UBE3A: variants seen among roughly 807,000 people sequenced by gnomAD.
UBE3A encodes ubiquitin-protein ligase E3A.
UBE3A carries 6 observed loss-of-function variants against 83.4 expected under a neutral mutation model. That is an observed-to-expected ratio of 0.07 (90% CI 0.04 to 0.14). The LOEUF (loss-of-function observed/expected upper bound fraction) is 0.14, where lower values mean the gene tolerates loss of function less well. Ranked by LOEUF, UBE3A falls within the 10% of genes least tolerant of loss-of-function variation. UBE3A has a pLI of 1.00. For missense variants in UBE3A, 456 were observed against 1,036.1 expected, an observed-to-expected ratio of 0.44 and a Z score of 7.69; for synonymous variants, 337 against 355.4, an observed-to-expected ratio of 0.95 and a Z score of 0.58.
intron 1 of UBE3A, chr15:25,419,454 C>G (rs187645488): frequency 6.6e-6 from 1 of 152,098 alleles, no homozygotes; most frequent in Non-Finnish European, 1.5e-5. Context: ...AAAGACATTT[C>G]CATACAAACA....
chr15:25,417,695 A>C (rs1887587418), intron 1 of UBE3A, among the ~76,000 whole-genome samples: 1 of 152,060 alleles, frequency 6.6e-6, no homozygotes, highest in Admixed American at 6.6e-5. Flanking sequence ...TAGAAGACAA[A>C]GCAAACTGAA....
intron 6 of UBE3A, among the ~76,000 whole-genome samples, chr15:25,364,036 T>TAAATAAATAAATA (rs1430435079): frequency 7.3e-6 from 1 of 137,600 alleles, no homozygotes; most frequent in Non-Finnish European, 1.5e-5. Flanking sequence ...TACAAAAAAC[T>TAAATAAATAAATA]AATAAATAAA....
chr15:25,380,052 G>A (rs969818843), intron 4 of UBE3A, among the ~76,000 whole-genome samples: 2 of 151,990 alleles, frequency 1.3e-5, no homozygotes, highest in African/African-American at 4.8e-5. Context: ...TCTGAATCAT[G>A]GGGGCAGTTT....
At position 25,357,009 on chromosome 15, in the gene UBE3A, T is replaced by C. The variant is rs574520453; in HGVS notation, c.1754-113A>G. 1.7e-5 allele frequency: 15 copies of C among 863,260 alleles called. No homozygotes were observed. The South Asian group carries it at 2.2e-4, about 13-fold the overall frequency. The allele number at this position is 863,260 out of a possible 1,614,324, so 53.5% of individuals were successfully genotyped here. On this transcript the variant is annotated intron_variant, in intron 7 of 12. Coordinates refer to ENST00000648336, the MANE Select transcript of UBE3A (RefSeq NM_130839.5). ...GCATATAAAACATTTAAAATATATG[T>C]AATTAGGCATGCAACATTGATTTCT...
intron 4 of UBE3A, among the ~76,000 whole-genome samples, chr15:25,403,522 A>G (rs1388391698): frequency 1.3e-5 from 2 of 152,160 alleles, no homozygotes; most frequent in Non-Finnish European, 2.9e-5. Context: ...AGAAACGCAA[A>G]TAGGTACAGT....
intron 1 of UBE3A, among the ~76,000 whole-genome samples, chr15:25,431,258 G>C (rs1297889842): frequency 6.6e-6 from 1 of 152,310 alleles, no homozygotes; most frequent in Non-Finnish European, 1.5e-5. Flanking sequence ...TTACAAAAGG[G>C]AATGAGAATG....
At chr15:25,396,069 G>C (rs542428721) in intron 4 of UBE3A, among the ~76,000 whole-genome samples, 3 of 152,012 alleles carry the variant, frequency 2.0e-5, no homozygotes, top group African/African-American at 7.2e-5. Context: ...AGGCATGGTG[G>C]CACATGCCTG....
intron 4 of UBE3A, among the ~76,000 whole-genome samples, chr15:25,385,042 C>A (rs959885528): frequency 5.3e-5 from 8 of 152,166 alleles, no homozygotes; most frequent in African/African-American, 1.9e-4. Context: ...TGACATTGGA[C>A]TTGGCAATGA....
At chr15:25,390,281 T>C (rs75722102) in intron 4 of UBE3A, among the ~76,000 whole-genome samples, 1,545 of 152,276 alleles carry the variant, frequency 0.01, 26 homozygotes, top group African/African-American at 0.035. Context: ...GATCCAGCAA[T>C]TGCACTCCCT....
rs587782926 is a variant in UBE3A at position 25,339,119 on chromosome 15, ATTTTG to A, written c.*13_*17del. The stretch of plus-strand genomic sequence containing the variant: ...TTTTTTCCTTCCTTTTTTTTGTTTT[ATTTTG>A]TTTTGTTTTGTTTTACAGCATGCCA... On this transcript the variant is annotated 3_prime_UTR_variant, in exon 13 of 13. Coordinates refer to ENST00000648336, the MANE Select transcript of UBE3A (RefSeq NM_130839.5). The A allele has an allele frequency of 2.3e-5, 33 of 1,429,850 alleles. No individual in the cohort carries two copies. Among genetic ancestry groups the A allele is most frequent in the East Asian group, 5.1e-5 (2 of 38,872 alleles). The allele number at this position is 1,429,850 out of a possible 1,614,324, so 88.6% of individuals were successfully genotyped here. A position where few individuals can be genotyped will look rare whatever the true frequency, so the allele number is the denominator to read the frequency against.
intron 4 of UBE3A, among the ~76,000 whole-genome samples, chr15:25,383,246 C>A (rs530082100): frequency 6.6e-6 from 1 of 152,206 alleles, no homozygotes; most frequent in African/African-American, 2.4e-5. Flanking sequence ...GTTCAACATA[C>A]AAAAAAATCA....
In UBE3A at chr15:25,354,444, T is replaced by A. The variant is rs2076951036; in HGVS notation, c.2281-18A>T. The stretch of plus-strand genomic sequence containing the variant: ...TCTAGATTCTGCAAATTCAAGAAAA[T>A]ATGTCTTAGTTATCTGCTATACTAC... On this transcript the variant is annotated intron_variant, in intron 10 of 12. Coordinates refer to ENST00000648336, the MANE Select transcript of UBE3A (RefSeq NM_130839.5). 1 of 1,613,138 alleles carries A rather than the reference T, an allele frequency of 6.2e-7. No individual in the cohort carries two copies.
In UBE3A at chr15:25,409,121, G is replaced by A. The variant is rs1439679109; in HGVS notation, c.-14C>T. On this transcript the variant is annotated 5_prime_UTR_variant, in exon 3 of 13. Transcript: ENST00000648336. ...AGCTGTGGCCATTCGGTGACATCAG[G>A]GTGATCACAGCTTTGAGTCACTGAT... 6.3e-7 allele frequency: 1 copy of A among 1,595,352 alleles called. No homozygotes were observed. Among genetic ancestry groups the A allele is most frequent in the Admixed American group, 1.7e-5 (1 of 58,432 alleles).
chr15:25,370,650 G>A lies in UBE3A; in HGVS notation c.1524C>T (p.Tyr508=). Residue 508 remains tyrosine (Y), a synonymous_variant, in exon 6 of 13, where the codon TAC becomes TAT. Transcript: ENST00000648336. This position sits in a 1 kb window ranked among gnomAD's most constrained non-coding sequence, Gnocchi z 4.2. ...MYSERRITVL[Y]SLVQGQQLNP... Reference sequence around the variant, plus strand: ...TCAACTGCTGTCCTTGAACTAAGCTGTAGAGAACAGTGATTCTTCGTTCAC... The same window carrying A: ...TCAACTGCTGTCCTTGAACTAAGCTATAGAGAACAGTGATTCTTCGTTCAC... 6.2e-7 allele frequency: 1 copy of A among 1,614,054 alleles called. No homozygotes were observed. Among genetic ancestry groups the A allele is most frequent in the Non-Finnish European group, 8.5e-7 (1 of 1,179,992 alleles).
chr15:25,408,184 A>G (rs2089131288), intron 3 of UBE3A: 1 of 170,698 alleles, frequency 5.9e-6, no homozygotes, highest in Non-Finnish European at 1.2e-5. Flanking sequence ...GTGCCACTGC[A>G]CTCCAGCCTG....
intron 11 of UBE3A, among the ~76,000 whole-genome samples, chr15:25,343,806 CA>C (rs887685316): frequency 1.9e-4 from 29 of 152,098 alleles, no homozygotes; most frequent in African/African-American, 6.5e-4. Context: ...AGCTGAGCAG[CA>C]AAATGAGCAA....
chr15:25,363,312 CAT>C (rs2078440002), intron 6 of UBE3A, among the ~76,000 whole-genome samples: 2 of 152,048 alleles, frequency 1.3e-5, no homozygotes, highest in Admixed American at 6.5e-5. Context: ...TAATTCCCTG[CAT>C]AAAGTTAGTG....
At chr15:25,392,680 TG>T (rs931407495) in intron 4 of UBE3A, among the ~76,000 whole-genome samples, 3 of 152,026 alleles carry the variant, frequency 2.0e-5, no homozygotes, top group Non-Finnish European at 4.4e-5. Context: ...GATGACACTA[TG>T]GGTGGGAAGA....
chr15:25,350,218 A>T (rs956567916), intron 11 of UBE3A, among the ~76,000 whole-genome samples: 1 of 152,050 alleles, frequency 6.6e-6, no homozygotes, highest in African/African-American at 2.4e-5. Flanking sequence ...AGAAGATTGC[A>T]TGAGCCCAGG....
Sources: gnomAD v4.1 joint callset for allele counts (sites outside exome capture counted in the v4.1 genomes callset) on GRCh38, gnomAD v4.1.1 for gene constraint, Gnocchi (gnomAD v3.1) non-coding constraint, MANE v1.5 for transcripts, NCBI Gene and HGNC (gene_info 2026-07-23, HGNC 2026-07-21) for gene names.